Variants in FCHO2 observed in about 807,000 individuals in gnomAD.
FCHO2 encodes F-BAR domain only protein 2.
A neutral mutation model predicts 114.1 loss-of-function variants in FCHO2; 43 were observed. That is an observed-to-expected ratio of 0.38 (90% CI 0.30 to 0.49). The LOEUF is 0.49. Ranked by LOEUF, FCHO2 falls within the 20% of genes least tolerant of loss-of-function variation. The pLI is 0.97. For missense variants in FCHO2, 807 were observed against 950.4 expected (o/e 0.85, Z 1.98); for synonymous variants, 293 against 315.2 (o/e 0.93, Z 0.75).
chr5:72,974,307 A>G lies in FCHO2; in HGVS notation c.125+5718A>G, dbSNP rs1414321316. The stretch of plus-strand genomic sequence containing the variant: ...TTTCTAATGTTGACAGTGGGGTGTT[A>G]AAGTCTCCCATTATTAATGTGTGGG... On this transcript the variant is annotated intron_variant, in intron 2 of 25. Coordinates refer to ENST00000430046, the MANE Select transcript of FCHO2 (RefSeq NM_138782.3). Among the ~76,000 whole-genome samples the G allele has an allele frequency of 2.0e-4, 27 of 137,088 alleles. 1 individual carries two copies. The highest frequency in any genetic ancestry group is 5.9e-4 in the African/African-American group (22 of 37,178). The allele number at this position is 137,088 out of a possible 152,430, so 89.9% of individuals were successfully genotyped here.
At chr5:72,997,644 G>T in intron 5 of FCHO2, 1 of 1,492,382 alleles carries the variant, frequency 6.7e-7, no homozygotes, top group South Asian at 1.1e-5. Flanking sequence ...AGGTTCTGGT[G>T]ACAGCTGCTC....
intron 8 of FCHO2, among the ~76,000 whole-genome samples, chr5:73,026,529 C>A (rs554977985): frequency 9.2e-5 from 14 of 152,028 alleles, no homozygotes; most frequent in Admixed American, 2.0e-4. Flanking sequence ...AAAATGACAC[C>A]AATTTTATTT....
intron 5 of FCHO2, among the ~76,000 whole-genome samples, chr5:72,995,140 G>T (rs1353099553): frequency 6.6e-6 from 1 of 152,096 alleles, no homozygotes; most frequent in Non-Finnish European, 1.5e-5. Flanking sequence ...GAAATGCTTT[G>T]TCAGTAAACA....
At chr5:72,971,324 A>G (rs1752540533) in intron 2 of FCHO2, among the ~76,000 whole-genome samples, 3 of 151,238 alleles carry the variant, frequency 2.0e-5, no homozygotes, top group Non-Finnish European at 4.5e-5. Context: ...CCAACAGTGT[A>G]AAAGTGTTCC....
chr5:73,048,724 ATATATATGTAG>A (rs1757187722), intron 11 of FCHO2, among the ~76,000 whole-genome samples: 1 of 152,070 alleles, frequency 6.6e-6, no homozygotes, highest in Admixed American at 6.6e-5. Flanking sequence ...AAAAGAGTGA[ATATATATGTAG>A]TTTTGTTACA....
In FCHO2 at chr5:72,968,609, G is replaced by A. The variant is rs771038496; in HGVS notation, c.125+20G>A. 20 of 1,461,360 alleles carry A rather than the reference G, an allele frequency of 1.4e-5. No individual in the cohort carries two copies. Among genetic ancestry groups the A allele is most frequent in the Middle Eastern group, 3.9e-4 (2 of 5,168 alleles). 90.5% of individuals were successfully genotyped at this position (1,461,360 alleles called of 1,614,324 possible). On this transcript the variant is annotated intron_variant, in intron 2 of 25. Transcript: ENST00000430046. Reference sequence around the variant, plus strand: ...GGAACGGTATGTATTTTTTAAATAAGTAATTTGTTTAACAACTTAATAGCA... The same window carrying A: ...GGAACGGTATGTATTTTTTAAATAAATAATTTGTTTAACAACTTAATAGCA...
rs1754028368 is a variant in FCHO2 at position 72,995,280 on chromosome 5, G to C, written c.495+4416G>C. The stretch of plus-strand genomic sequence containing the variant: ...GGTAATTTTTTTTTTTTTTGAGACA[G>C]AGTCTCACTCTGTTACCCAGGCTAG... On this transcript the variant is annotated intron_variant, in intron 5 of 25. Coordinates refer to ENST00000430046, the MANE Select transcript of FCHO2 (RefSeq NM_138782.3). 2.7e-5 allele frequency among the ~76,000 whole-genome samples: 4 copies of C among 149,580 alleles called. No homozygotes were observed. In the South Asian group the frequency reaches 8.5e-4, roughly 32 times the overall value.
rs1751722188 is a variant in FCHO2, at chr5:72,959,276, G to T, written c.33+3147G>T. On this transcript the variant is annotated intron_variant, in intron 1 of 25. Coordinates refer to ENST00000430046, the MANE Select transcript of FCHO2 (RefSeq NM_138782.3). Reference sequence around the variant, plus strand: ...AATCCCAGCACTTTGGGAGGCTGAGGCAGGGGAATGGATTGAGCCCAAGAA... The same window carrying T: ...AATCCCAGCACTTTGGGAGGCTGAGTCAGGGGAATGGATTGAGCCCAAGAA... 1.3e-5 allele frequency among the ~76,000 whole-genome samples: 2 copies of T among 152,164 alleles called. 1 individual carries two copies. Among genetic ancestry groups the T allele is most frequent in the South Asian group, 4.1e-4 (2 of 4,830 alleles).
At chr5:72,998,545 C>T (rs1754254608) in intron 5 of FCHO2, among the ~76,000 whole-genome samples, 1 of 151,870 alleles carries the variant, frequency 6.6e-6, no homozygotes, top group Non-Finnish European at 1.5e-5. Context: ...GATACTATAA[C>T]ATTCATGCCC....
intron 1 of FCHO2, among the ~76,000 whole-genome samples, chr5:72,963,882 A>G (rs1053974974): frequency 8.3e-5 from 9 of 108,804 alleles, no homozygotes; most frequent in African/African-American, 3.3e-4. Flanking sequence ...AATCATTCCC[A>G]TTTTGTATGG....
chr5:72,977,932 T>C (rs1425960080), intron 2 of FCHO2, among the ~76,000 whole-genome samples: 1 of 152,172 alleles, frequency 6.6e-6, no homozygotes, highest in Non-Finnish European at 1.5e-5. Context: ...TGGTTGTAGA[T>C]TTGTGGTGTT....
At chr5:72,980,190 C>A (rs7726959) in intron 2 of FCHO2, among the ~76,000 whole-genome samples, 44,591 of 152,020 alleles carry the variant, frequency 0.29, 6,765 homozygotes, top group East Asian at 0.44. Context: ...TTTCTGCCTT[C>A]ATTTCGTTAT....
At chr5:72,980,912 G>C (rs924880623) in intron 2 of FCHO2, among the ~76,000 whole-genome samples, 1 of 152,082 alleles carries the variant, frequency 6.6e-6, no homozygotes, top group South Asian at 2.1e-4. Flanking sequence ...GCGAGTCTTT[G>C]TCTTTTAATT....
In FCHO2 at chr5:73,043,749, G is replaced by A. The variant is rs112498017; in HGVS notation, c.939+2434G>A. On this transcript the variant is annotated intron_variant, in intron 11 of 25. Coordinates refer to ENST00000430046, the MANE Select transcript of FCHO2 (RefSeq NM_138782.3). ...TGTTTTAAAAATAAGATAAATATGT[G>A]GATATATGTATTATATTTATTTTAG... Among the ~76,000 whole-genome samples, 1,164 of 152,160 alleles carry A rather than the reference G, an allele frequency of 7.6e-3. 13 individuals are homozygous for A. The highest frequency in any genetic ancestry group is 0.027 in the African/African-American group (1,115 of 41,514).
intron 1 of FCHO2, among the ~76,000 whole-genome samples, chr5:72,958,948 T>G (rs577493160): frequency 6.6e-6 from 1 of 152,366 alleles, no homozygotes; most frequent in South Asian, 2.1e-4. Context: ...AATACTTCTC[T>G]GAATATCTTT....
At chr5:73,010,464 G>A (rs1047997568) in intron 6 of FCHO2, among the ~76,000 whole-genome samples, 6 of 152,098 alleles carry the variant, frequency 3.9e-5, no homozygotes, top group African/African-American at 1.4e-4. Flanking sequence ...TAGGATTAGC[G>A]TACTTTTATA....
At chr5:73,058,120 C>T (rs1482011228) in intron 16 of FCHO2, among the ~76,000 whole-genome samples, 1 of 152,020 alleles carries the variant, frequency 6.6e-6, no homozygotes, top group Non-Finnish European at 1.5e-5. Context: ...AAGTGATCTT[C>T]CTTAGCCTCC....
intron 14 of FCHO2, 146 bp from the exon 15 acceptor site, chr5:73,054,379 C>A: frequency 1.2e-6 from 1 of 848,208 alleles, no homozygotes; most frequent in Non-Finnish European, 1.8e-6. Context: ...TGTTTTTTCT[C>A]TATATCTTTT....
chr5:73,034,792 A>G, intron 9 of FCHO2, 91 bp downstream of exon 9: 1 of 1,022,302 alleles, frequency 9.8e-7, no homozygotes, highest in South Asian at 2.0e-5. Flanking sequence ...TGCTATCCCT[A>G]GGTGTCAGCA....
Sources: gnomAD v4.1 joint callset for allele counts (sites outside exome capture counted in the v4.1 genomes callset) on GRCh38, gnomAD v4.1.1 for gene constraint, MANE v1.5 for transcripts, NCBI Gene and HGNC (gene_info 2026-07-23, HGNC 2026-07-21) for gene names.